CNTNAP4: variants seen among roughly 807,000 people sequenced by gnomAD.
CNTNAP4 encodes the protein contactin-associated protein-like 4.
In CNTNAP4, 98 loss-of-function variants were observed where a neutral mutation model predicts 148.4. The ratio of observed to expected loss-of-function variants is 0.66; its 90% confidence interval spans 0.56 to 0.78. The LOEUF (loss-of-function observed/expected upper bound fraction) is 0.78. CNTNAP4 is among the 30% of genes least tolerant of loss of function. CNTNAP4 has a pLI of 0.00. For synonymous variants in CNTNAP4, 730 were observed against 565.1 expected (o/e 1.29, Z -4.14); for missense variants, 1,935 against 1,565.6 (o/e 1.24, Z -3.98).
At chr16:76,515,888 A>G (rs8056107) in intron 15 of CNTNAP4, among the ~76,000 whole-genome samples, 34,346 of 152,124 alleles carry the variant, frequency 0.23, 3,949 homozygotes, top group Middle Eastern at 0.28. Flanking sequence ...ATGTCAAATA[A>G]CAAAACCACA....
intron 4 of CNTNAP4, among the ~76,000 whole-genome samples, chr16:76,436,493 C>T (rs957135241): frequency 6.6e-6 from 1 of 152,126 alleles, no homozygotes; most frequent in Non-Finnish European, 1.5e-5. Flanking sequence ...TCAGCTTTCT[C>T]TAAAGGAGAT....
intron 23 of CNTNAP4, 169 bp from the exon 24 acceptor site, chr16:76,558,321 A>T: frequency 1.9e-6 from 1 of 523,440 alleles, no homozygotes; most frequent in Non-Finnish European, 3.4e-6. Context: ...AACTCAACAT[A>T]CAATAATACT....
intron 9 of CNTNAP4, among the ~76,000 whole-genome samples, chr16:76,463,602 A>T (rs562113095): frequency 6.6e-6 from 1 of 152,194 alleles, no homozygotes; most frequent in Non-Finnish European, 1.5e-5. Context: ...AAAAATATAG[A>T]GAGTTCCTGC....
At chr16:76,388,078 TTGAGAGAATACA>T (rs1384635591) in intron 3 of CNTNAP4, among the ~76,000 whole-genome samples, 1 of 152,246 alleles carries the variant, frequency 6.6e-6, no homozygotes, top group East Asian at 1.9e-4. Context: ...AGTCACTGAC[TTGAGAGAATACA>T]TGAAAATCAC....
chr16:76,308,582 C>T (rs1960751226), intron 1 of CNTNAP4, among the ~76,000 whole-genome samples: 1 of 152,132 alleles, frequency 6.6e-6, no homozygotes, highest in Admixed American at 6.5e-5. Flanking sequence ...TCCCGTGAAA[C>T]AGTATGGAAA....
At chr16:76,309,895 C>A in intron 1 of CNTNAP4, 1 of 701,938 alleles carries the variant, frequency 1.4e-6, no homozygotes, top group Non-Finnish European at 2.6e-6. Context: ...GCCTTCCCAG[C>A]TATGTGGAAC....
chr16:76,287,573 T>C (rs900306211), intron 1 of CNTNAP4: 3 of 152,186 alleles, frequency 2.0e-5, no homozygotes, highest in Non-Finnish European at 4.4e-5. Flanking sequence ...AAGTTCTCTG[T>C]TTTTCTGAGT....
intron 3 of CNTNAP4, among the ~76,000 whole-genome samples, chr16:76,356,818 C>G (rs2144511271): frequency 6.6e-6 from 1 of 152,154 alleles, no homozygotes; most frequent in East Asian, 1.9e-4. Flanking sequence ...ACATTATAAA[C>G]TCATTGAAGA....
At position 76,302,037 on chromosome 16, in the gene CNTNAP4, C is replaced by G. The variant is rs182502183; in HGVS notation, c.86-14376C>G. Among the ~76,000 whole-genome samples, 441 of 152,152 alleles carry G rather than the reference C, an allele frequency of 2.9e-3. 2 individuals carry two copies. The highest frequency in any genetic ancestry group is 0.015 in the South Asian group (71 of 4,818). The stretch of plus-strand genomic sequence containing the variant: ...GTGGTCTCTACTGGTTTGAACTGAA[C>G]AGCAGCTGGCCCAAGTTTCTGAGAA... On this transcript the variant is annotated intron_variant, in intron 1 of 23. Transcript: ENST00000611870.
At position 76,298,608 on chromosome 16, in the gene CNTNAP4, G is replaced by T. The variant is rs201717256; in HGVS notation, c.86-17805G>T. Among the ~76,000 whole-genome samples, 16 of 151,244 alleles carry T rather than the reference G, an allele frequency of 1.1e-4. No individual in the cohort carries two copies. The East Asian group carries it at 2.4e-3, about 22-fold the overall frequency. On this transcript the variant is annotated intron_variant, in intron 1 of 23. Coordinates refer to ENST00000611870, the MANE Select transcript of CNTNAP4 (RefSeq NM_033401.5). ...CAAGCGGAAGAATTCATTAGAATCT[G>T]AAATGAAAGCAGAAAGCCAACAAGT...
chr16:76,497,402 A>G (rs2082435203), intron 14 of CNTNAP4, among the ~76,000 whole-genome samples: 1 of 152,206 alleles, frequency 6.6e-6, no homozygotes, highest in Non-Finnish European at 1.5e-5. Context: ...AATACAATAA[A>G]TATAGCTAAA....
At chr16:76,382,157 A>T (rs1020972857) in intron 3 of CNTNAP4, among the ~76,000 whole-genome samples, 2 of 147,972 alleles carry the variant, frequency 1.4e-5, no homozygotes, top group Non-Finnish European at 3.0e-5. Flanking sequence ...ACTTTTTTTT[A>T]ACATGCCTTG....
chr16:76,447,452 ACC>A (rs1292843567), intron 4 of CNTNAP4, among the ~76,000 whole-genome samples: 4 of 151,940 alleles, frequency 2.6e-5, no homozygotes, highest in African/African-American at 7.3e-5. Flanking sequence ...AATGAAATCA[ACC>A]CCATGTGTCA....
chr16:76,529,864 T>TGC (rs958853254), intron 17 of CNTNAP4, among the ~76,000 whole-genome samples: 1 of 151,790 alleles, frequency 6.6e-6, no homozygotes, highest in African/African-American at 2.4e-5. Flanking sequence ...TGTGTGTGTG[T>TGC]GTGTGTGTAA....
At chr16:76,399,102 C>A (rs1384778973) in intron 3 of CNTNAP4, among the ~76,000 whole-genome samples, 2 of 152,140 alleles carry the variant, frequency 1.3e-5, no homozygotes, top group African/African-American at 4.8e-5. Flanking sequence ...TTCTCCTTTG[C>A]CTGCTGCCAT....
intron 15 of CNTNAP4, among the ~76,000 whole-genome samples, chr16:76,511,001 A>G (rs2083002603): frequency 1.3e-5 from 2 of 152,136 alleles, no homozygotes; most frequent in South Asian, 4.1e-4. Flanking sequence ...AATGTACCTG[A>G]ATGTTGTTCA....
At chr16:76,558,043 G>C (rs1358455699) in intron 23 of CNTNAP4, 2 of 152,522 alleles carry the variant, frequency 1.3e-5, no homozygotes, top group African/African-American at 4.8e-5. Flanking sequence ...ACCCATTTCT[G>C]CTGTTCAGCA....
chr16:76,539,721 A>G lies in CNTNAP4; in HGVS notation c.3223A>G (p.Ser1075Gly). ...YLSVIIAKNG[S>G]LQIRYKLNKY... ...ATCACAATTTTTCCCCACTCTAGGA[A>G]GTTTGCAGATCAGGTACAAGTTAAA... is the stretch of plus-strand genomic sequence containing the variant. Residue 1075 changes from serine to glycine, a missense_variant and splice_region_variant, in exon 20 of 24, where the codon AGT becomes GGT. Physicochemically the swap from Ser to Gly is moderately conservative, Grantham distance 56. Coordinates refer to ENST00000611870, the MANE Select transcript of CNTNAP4 (RefSeq NM_033401.5). 6.3e-7 allele frequency: 1 copy of G among 1,591,724 alleles called. No individual in the cohort carries two copies. Among genetic ancestry groups the G allele is most frequent in the Non-Finnish European group, 8.5e-7 (1 of 1,173,190 alleles).
intron 1 of CNTNAP4, among the ~76,000 whole-genome samples, chr16:76,313,223 C>T (rs569978245): frequency 5.5e-4 from 84 of 152,212 alleles, no homozygotes; most frequent in African/African-American, 1.9e-3. Context: ...AATATATGTT[C>T]CCTAGAGTGG....
Sources: gnomAD v4.1 joint callset for allele counts (sites outside exome capture counted in the v4.1 genomes callset) on GRCh38, gnomAD v4.1.1 for gene constraint, MANE v1.5 for transcripts, NCBI Gene and HGNC (gene_info 2026-07-23, HGNC 2026-07-21) for gene names.